Variants in OSBPL10 observed in about 807,000 individuals in gnomAD.
OSBPL10 encodes the protein oxysterol-binding protein-related protein 10.
OSBPL10 carries 49 observed loss-of-function variants against 81.7 expected under a neutral mutation model. The ratio of observed to expected loss-of-function variants is 0.60; its 90% confidence interval spans 0.48 to 0.76. The LOEUF is 0.76. Among genes scored for constraint, OSBPL10 ranks in the 30% least tolerant of loss-of-function variants. OSBPL10 has a pLI of 0.00. For synonymous variants in OSBPL10, 419 were observed against 383.6 expected (o/e 1.09, Z -1.08); for missense variants, 923 against 987.8 (o/e 0.93, Z 0.88).
chr3:31,839,594 T>A (rs1355963970), intron 3 of OSBPL10, among the ~76,000 whole-genome samples: 5 of 152,092 alleles, frequency 3.3e-5, no homozygotes, highest in Non-Finnish European at 5.9e-5. Flanking sequence ...AACATTTGAT[T>A]AAAGATGTCA....
At chr3:31,680,476 T>C (rs1025195900) in intron 8 of OSBPL10, among the ~76,000 whole-genome samples, 1 of 152,214 alleles carries the variant, frequency 6.6e-6, no homozygotes, top group African/African-American at 2.4e-5. Flanking sequence ...TGGCTTGTGC[T>C]GAGGGCAGGA....
At chr3:31,744,609 G>C (rs556458208) in intron 5 of OSBPL10, among the ~76,000 whole-genome samples, 1 of 150,782 alleles carries the variant, frequency 6.6e-6, no homozygotes, top group Non-Finnish European at 1.5e-5. Flanking sequence ...GTGGGAGAGA[G>C]AGCACAGGGA....
intron 3 of OSBPL10, among the ~76,000 whole-genome samples, chr3:31,862,505 AC>A (rs200040607): frequency 6.6e-6 from 1 of 152,190 alleles, no homozygotes; most frequent in African/African-American, 2.4e-5. Flanking sequence ...TTTTCTAAAA[AC>A]AAAAAGAATG....
At chr3:31,878,455 G>A (rs11916375) in intron 2 of OSBPL10, among the ~76,000 whole-genome samples, 5,944 of 152,154 alleles carry the variant, frequency 0.039, 325 homozygotes, top group African/African-American at 0.12. Flanking sequence ...ATTCCTGAAA[G>A]TTTTTTATCA....
rs1696854370 is a variant in OSBPL10 at position 31,919,583 on chromosome 3, A to T, written c.282-39753T>A. 3 of 152,234 alleles carry T rather than the reference A, an allele frequency of 2.0e-5. No individual in the cohort carries two copies. In the South Asian group the frequency reaches 6.2e-4, roughly 32 times the overall value. The allele number at this position is 152,234 out of a possible 1,614,324, so 9.4% of individuals were successfully genotyped here. A position where few individuals can be genotyped will look rare whatever the true frequency, so the allele number is the denominator to read the frequency against. On this transcript the variant is annotated intron_variant, in intron 1 of 11. Coordinates refer to ENST00000396556, the MANE Select transcript of OSBPL10 (RefSeq NM_017784.5). ...CTTCTAGAATTCCAGGAATGTGCTC[A>T]TCCCAACCGGCTATCTCATCAATTC...
intron 2 of OSBPL10, among the ~76,000 whole-genome samples, chr3:31,876,755 C>G (rs960155081): frequency 7.9e-5 from 12 of 152,010 alleles, no homozygotes; most frequent in South Asian, 2.1e-4. Flanking sequence ...CTGAAATACC[C>G]GTTATAAGAA....
At chr3:32,005,921 CTTTA>C (rs752068457) in intron 2 of OSBPL10, among the ~76,000 whole-genome samples, 11 of 151,602 alleles carry the variant, frequency 7.3e-5, no homozygotes, top group Admixed American at 2.0e-4. Context: ...TCTTGTTTTA[CTTTA>C]TTTATTTATT....
intron 4 of OSBPL10, among the ~76,000 whole-genome samples, chr3:31,774,503 T>TTTTTGG (rs1698490477): frequency 9.8e-6 from 1 of 101,528 alleles, no homozygotes; most frequent in Non-Finnish European, 1.9e-5. Context: ...TTGTTTTCTG[T>TTTTTGG]TTTTGTTTTT....
chr3:32,074,195 T>G (rs1699855568), intron 1 of OSBPL10, among the ~76,000 whole-genome samples: 2 of 152,150 alleles, frequency 1.3e-5, no homozygotes, highest in African/African-American at 4.8e-5. Flanking sequence ...CTTCTTTACT[T>G]TCTAGACAGA....
intron 2 of OSBPL10, among the ~76,000 whole-genome samples, chr3:31,995,398 G>A (rs971618702): frequency 1.2e-4 from 18 of 152,150 alleles, no homozygotes; most frequent in African/African-American, 4.1e-4. Context: ...AGAATTTAGC[G>A]ATATCTTCCC....
intron 6 of OSBPL10, among the ~76,000 whole-genome samples, chr3:31,723,051 T>TA (rs569476973): frequency 9.4e-4 from 143 of 152,326 alleles, no homozygotes; most frequent in African/African-American, 3.0e-3. Flanking sequence ...CCAAAAAAGT[T>TA]AGAGTTTCCT....
At chr3:32,066,585 T>C (rs1371712538) in intron 1 of OSBPL10, 1 of 152,270 alleles carries the variant, frequency 6.6e-6, no homozygotes, top group East Asian at 1.9e-4. Context: ...CAGGAGCAGC[T>C]TGGCCATGCC....
chr3:32,002,196 C>T (rs1355049100), intron 2 of OSBPL10, among the ~76,000 whole-genome samples: 1 of 152,142 alleles, frequency 6.6e-6, no homozygotes, highest in South Asian at 2.1e-4. Flanking sequence ...GAAATTGCTT[C>T]TCTCTTTTAT....
chr3:31,695,168 AT>A (rs1043199696), intron 7 of OSBPL10, among the ~76,000 whole-genome samples: 1 of 152,232 alleles, frequency 6.6e-6, no homozygotes, highest in African/African-American at 2.4e-5. Context: ...CACAGTCTGC[AT>A]CCCCCACCTT....
intron 8 of OSBPL10, among the ~76,000 whole-genome samples, chr3:31,674,583 T>TAGA (rs543496243): frequency 6.8e-6 from 1 of 147,838 alleles, no homozygotes; most frequent in Non-Finnish European, 1.5e-5. Flanking sequence ...GATAGATAGA[T>TAGA]TAGATAGATA....
In OSBPL10 at chr3:31,687,418, A is replaced by G. The variant is rs566398009; in HGVS notation, c.1246-3304T>C. ...CTTTTGAAAAGGAGAAGAATTTAAGATATTTCCCCTAATTTAGTCAGCATT... is the reference window on the plus strand; with the variant it reads ...CTTTTGAAAAGGAGAAGAATTTAAGGTATTTCCCCTAATTTAGTCAGCATT... On this transcript the variant is annotated intron_variant, in intron 7 of 11. Coordinates refer to ENST00000396556, the MANE Select transcript of OSBPL10 (RefSeq NM_017784.5). Among the ~76,000 whole-genome samples the G allele has an allele frequency of 2.2e-4, 33 of 152,276 alleles. No individual in the cohort carries two copies. In the East Asian group the frequency reaches 4.1e-3, roughly 19 times the overall value.
chr3:31,985,938 A>T (rs1292175890), upstream of OSBPL10, among the ~76,000 whole-genome samples: 1 of 152,210 alleles, frequency 6.6e-6, no homozygotes, highest in African/African-American at 2.4e-5. Context: ...GTTCAGCAAC[A>T]TCCCCCAAAT....
chr3:31,913,676 AACTG>A (rs1449347171), intron 1 of OSBPL10, among the ~76,000 whole-genome samples: 3 of 152,250 alleles, frequency 2.0e-5, no homozygotes, highest in Non-Finnish European at 4.4e-5. Flanking sequence ...ACAATTAGAA[AACTG>A]ACTAACCAAG....
chr3:31,719,539 T>A (rs994406929), intron 6 of OSBPL10, among the ~76,000 whole-genome samples: 1 of 152,130 alleles, frequency 6.6e-6, no homozygotes, highest in Non-Finnish European at 1.5e-5. Flanking sequence ...AAAAATAAAG[T>A]GGAAATAAAA....
Sources: gnomAD v4.1 joint callset for allele counts (sites outside exome capture counted in the v4.1 genomes callset) on GRCh38, gnomAD v4.1.1 for gene constraint, MANE v1.5 for transcripts, NCBI Gene and HGNC (gene_info 2026-07-23, HGNC 2026-07-21) for gene names.